GRIK3: variants seen among roughly 807,000 people sequenced by gnomAD.
GRIK3 encodes the protein glutamate receptor ionotropic, kainate 3.
GRIK3 carries 29 observed loss-of-function variants against 102.5 expected under a neutral mutation model. That is an observed-to-expected ratio of 0.28 (90% CI 0.21 to 0.39). The LOEUF is 0.39. Among genes scored for constraint, GRIK3 ranks in the 10% least tolerant of loss-of-function variants. GRIK3 has a pLI of 1.00. For synonymous variants in GRIK3, 511 were observed against 504.9 expected (o/e 1.01, Z -0.16); for missense variants, 908 against 1,252.4 (o/e 0.73, Z 4.15).
At chr1:36,980,664 G>A (rs911885750) in intron 1 of GRIK3, among the ~76,000 whole-genome samples, 1 of 151,966 alleles carries the variant, frequency 6.6e-6, no homozygotes, top group Admixed American at 6.6e-5. Context: ...GGTCCCGCAA[G>A]GTCTGGCTTC....
At chr1:37,023,820 A>G (rs1379747505) in intron 1 of GRIK3, among the ~76,000 whole-genome samples, 1 of 152,210 alleles carries the variant, frequency 6.6e-6, no homozygotes, top group Non-Finnish European at 1.5e-5. Flanking sequence ...GGAGGGAGGC[A>G]GTGGTTAGAA....
At chr1:36,869,909 G>T in intron 4 of GRIK3, 108 bp from the exon 5 acceptor site, 1 of 770,348 alleles carries the variant, frequency 1.3e-6, no homozygotes, top group Non-Finnish European at 2.3e-6. Flanking sequence ...GGGAAGGCTG[G>T]CTGCTTGGAG....
chr1:36,869,850 C>A, intron 4 of GRIK3, 49 bp from the exon 5 acceptor site: 1 of 1,362,870 alleles, frequency 7.3e-7, no homozygotes, highest in African/African-American at 1.4e-5. Flanking sequence ...CCTGGGCAGC[C>A]CTCCCCACAT....
intron 1 of GRIK3, among the ~76,000 whole-genome samples, chr1:36,986,161 A>G (rs1166255949): frequency 6.6e-6 from 1 of 152,134 alleles, no homozygotes; most frequent in Non-Finnish European, 1.5e-5. Flanking sequence ...TTCCAGAGGG[A>G]ATCCTAAGGA....
intron 1 of GRIK3, among the ~76,000 whole-genome samples, chr1:36,971,439 G>A (rs1020359219): frequency 6.6e-6 from 1 of 152,192 alleles, no homozygotes; most frequent in African/African-American, 2.4e-5. Flanking sequence ...ATCTGAACCA[G>A]TCTACCCCTA....
chr1:36,906,633 T>G (rs1641287655), intron 1 of GRIK3, among the ~76,000 whole-genome samples: 1 of 129,946 alleles, frequency 7.7e-6, no homozygotes, highest in Non-Finnish European at 1.7e-5. Context: ...ATGATAAGTA[T>G]TTTTGGCTTT....
At chr1:36,892,411 A>C (rs1359893128) in intron 1 of GRIK3, among the ~76,000 whole-genome samples, 8 of 152,140 alleles carry the variant, frequency 5.3e-5, no homozygotes, top group Non-Finnish European at 1.0e-4. Flanking sequence ...CGAGGCAGGA[A>C]GATGACGATT....
chr1:36,831,654 G>A (rs960313871), intron 10 of GRIK3, among the ~76,000 whole-genome samples: 2 of 152,204 alleles, frequency 1.3e-5, no homozygotes, highest in Non-Finnish European at 2.9e-5. Flanking sequence ...TTCCTGCAAC[G>A]ATGAAAAGGT....
At chr1:36,995,388 C>T (rs1294111574) in intron 1 of GRIK3, among the ~76,000 whole-genome samples, 1 of 152,166 alleles carries the variant, frequency 6.6e-6, no homozygotes, top group African/African-American at 2.4e-5. Flanking sequence ...AGCCTGGGGG[C>T]TCATCCACGG....
chr1:36,984,040 A>T (rs900028769), intron 1 of GRIK3, among the ~76,000 whole-genome samples: 6 of 152,184 alleles, frequency 3.9e-5, no homozygotes, highest in Non-Finnish European at 7.4e-5. Flanking sequence ...CATAAAACAG[A>T]CTAGACTGCA....
chr1:36,973,845 C>T (rs1043294008), intron 1 of GRIK3, among the ~76,000 whole-genome samples: 3 of 152,166 alleles, frequency 2.0e-5, no homozygotes, highest in Non-Finnish European at 4.4e-5. Context: ...CCCAGCTCAC[C>T]TGATTTCAGA....
intron 1 of GRIK3, among the ~76,000 whole-genome samples, chr1:36,895,901 T>A (rs762930137): frequency 6.6e-6 from 1 of 152,032 alleles, no homozygotes; most frequent in Non-Finnish European, 1.5e-5. Context: ...ATCTTATCTA[T>A]GGAGGAAAAA....
chr1:36,891,705 G>A (rs1008552116), intron 1 of GRIK3, among the ~76,000 whole-genome samples: 7 of 152,116 alleles, frequency 4.6e-5, no homozygotes, highest in African/African-American at 1.7e-4. Flanking sequence ...GCATGGGGGA[G>A]GATTTGCATC....
intron 3 of GRIK3, among the ~76,000 whole-genome samples, chr1:36,878,654 G>A (rs1161159229): frequency 2.0e-5 from 3 of 152,186 alleles, no homozygotes; most frequent in South Asian, 2.1e-4. Flanking sequence ...CAAGCCTTTG[G>A]AAAGAAAGAG....
At chr1:36,991,903 C>A (rs760363467) in intron 1 of GRIK3, among the ~76,000 whole-genome samples, 1 of 152,236 alleles carries the variant, frequency 6.6e-6, no homozygotes, top group South Asian at 2.1e-4. Flanking sequence ...CAAGACTTGG[C>A]TTGGGGCAGT....
At chr1:36,833,832 C>T (rs1445151973) in intron 10 of GRIK3, among the ~76,000 whole-genome samples, 4 of 152,204 alleles carry the variant, frequency 2.6e-5, no homozygotes, top group African/African-American at 9.6e-5. Context: ...ACCCAACCCT[C>T]ATCACCAGTT....
At chr1:36,991,172 C>A (rs1642359112) in intron 1 of GRIK3, among the ~76,000 whole-genome samples, 1 of 152,214 alleles carries the variant, frequency 6.6e-6, no homozygotes, top group African/African-American at 2.4e-5. Flanking sequence ...ACCAGGAACA[C>A]TAAACCGCAG....
chr1:36,955,802 C>T (rs1557439537), intron 1 of GRIK3, among the ~76,000 whole-genome samples: 6 of 152,240 alleles, frequency 3.9e-5, no homozygotes. Flanking sequence ...ATGCACACAT[C>T]CAGAGTGTCT....
chr1:36,858,511 C>T (rs886141977), intron 7 of GRIK3, among the ~76,000 whole-genome samples: 6 of 152,180 alleles, frequency 3.9e-5, no homozygotes, highest in Non-Finnish European at 5.9e-5. Flanking sequence ...TTTCCATATT[C>T]TCTGGTTTCT....
Sources: gnomAD v4.1 joint callset for allele counts (sites outside exome capture counted in the v4.1 genomes callset) on GRCh38, gnomAD v4.1.1 for gene constraint, MANE v1.5 for transcripts, NCBI Gene and HGNC (gene_info 2026-07-23, HGNC 2026-07-21) for gene names.